The following CHD6 variants were observed in gnomAD, a reference collection of about 807,000 sequenced individuals.
CHD6 encodes the protein chromodomain helicase DNA binding protein 6.
A neutral mutation model predicts 276.9 loss-of-function variants in CHD6; 50 were observed. The ratio of observed to expected loss-of-function variants is 0.18; its 90% confidence interval spans 0.14 to 0.23. CHD6 has a LOEUF of 0.23. CHD6 is among the 10% of genes least tolerant of loss of function. The probability of loss-of-function intolerance (pLI) is 1.00; values close to 1 mark genes in which losing one functional copy is unlikely to be tolerated. For missense variants in CHD6, 2,564 were observed against 3,365.8 expected (o/e 0.76, Z 5.89); for synonymous variants, 1,173 against 1,229.3 (o/e 0.95, Z 0.96).
chr20:41,514,711 C>T (rs575334711), intron 4 of CHD6, 94 bp downstream of exon 4: 1 of 1,409,118 alleles, frequency 7.1e-7, no homozygotes, highest in East Asian at 2.3e-5. Context: ...AGGGAGTGTG[C>T]TAGAGAAAGG....
In CHD6 at chr20:41,473,273, T is replaced by C; in HGVS notation, c.2664+49A>G. 1 of 1,568,198 alleles carries C rather than the reference T, an allele frequency of 6.4e-7. No individual in the cohort carries two copies. Among genetic ancestry groups the C allele is most frequent in the East Asian group, 2.2e-5 (1 of 44,520 alleles). ...GCCAAGCCAGGCCCTATCATGATGT[T>C]CTGGGATCCAGGGCAGCTAAGGTAA... On this transcript the variant is annotated intron_variant, in intron 17 of 36. Coordinates refer to ENST00000373233, the MANE Select transcript of CHD6 (RefSeq NM_032221.5). The surrounding 1 kb of genome is among the most constrained non-coding windows in gnomAD (Gnocchi z 4.1).
At chr20:41,504,506 C>T (rs1198582382) in intron 5 of CHD6, among the ~76,000 whole-genome samples, 1 of 150,246 alleles carries the variant, frequency 6.7e-6, no homozygotes, top group Non-Finnish European at 1.5e-5. Flanking sequence ...ACTTCCCAGG[C>T]TCAAATGATT....
chr20:41,461,168 T>C lies in CHD6; in HGVS notation c.2665-3740A>G, dbSNP rs143729795. Among the ~76,000 whole-genome samples the C allele has an allele frequency of 2.3e-3, 346 of 152,358 alleles. 1 individual carries two copies. The highest frequency in any genetic ancestry group is 0.01 in the Middle Eastern group (3 of 294). On this transcript the variant is annotated intron_variant, in intron 17 of 36. Coordinates refer to ENST00000373233, the MANE Select transcript of CHD6 (RefSeq NM_032221.5). Reference sequence around the variant, plus strand: ...CTGTATCCAAATCATATCTAGAAAGTAATTAACTTGCTTTTGATTTTACAG... The same window carrying C: ...CTGTATCCAAATCATATCTAGAAAGCAATTAACTTGCTTTTGATTTTACAG...
chr20:41,453,502 T>A (rs772658339), intron 20 of CHD6, among the ~76,000 whole-genome samples: 2 of 152,186 alleles, frequency 1.3e-5, no homozygotes, highest in Non-Finnish European at 2.9e-5. Flanking sequence ...CCTGGCTATG[T>A]GTCTTCTCTA....
intron 1 of CHD6, among the ~76,000 whole-genome samples, chr20:41,589,166 A>C (rs1232871834): frequency 6.6e-6 from 1 of 152,252 alleles, no homozygotes; most frequent in Admixed American, 6.5e-5. Flanking sequence ...AAAATTCAAC[A>C]GCCCTTCATG....
chr20:41,472,030 T>G (rs2043064941), intron 17 of CHD6, among the ~76,000 whole-genome samples: 2 of 150,782 alleles, frequency 1.3e-5, no homozygotes, highest in South Asian at 4.2e-4. Flanking sequence ...GGTCAGGAGT[T>G]CAAGACCGGC....
chr20:41,491,679 G>C lies in CHD6; in HGVS notation c.1436+19C>G. Reference sequence around the variant, plus strand: ...TATACCTCTGGGTACAAACATCTGGGCTGGTTTTGGTTCCTTACCTGTTAT... The same window carrying C: ...TATACCTCTGGGTACAAACATCTGGCCTGGTTTTGGTTCCTTACCTGTTAT... On this transcript the variant is annotated intron_variant, in intron 11 of 36. Transcript: ENST00000373233. 6.2e-7 allele frequency: 1 copy of C among 1,613,448 alleles called. No individual in the cohort carries two copies. The highest frequency in any genetic ancestry group is 1.7e-5 in the Admixed American group (1 of 60,006).
At chr20:41,585,070 T>C (rs1030995649) in intron 1 of CHD6, among the ~76,000 whole-genome samples, 1 of 152,126 alleles carries the variant, frequency 6.6e-6, no homozygotes, top group Non-Finnish European at 1.5e-5. Flanking sequence ...TTACCAGTAT[T>C]AGGACTCAAA....
intron 4 of CHD6, 95 bp from the exon 5 acceptor site, chr20:41,513,090 G>A: frequency 1.5e-6 from 2 of 1,342,344 alleles, no homozygotes; most frequent in Non-Finnish European, 2.1e-6. Context: ...ACATGCCAAG[G>A]AGTGCTTTCT....
Position 41,415,457 on chromosome 20 carries a change from G to A in CHD6, c.6668C>T (p.Ser2223Leu). 1 of 1,612,830 alleles carries A rather than the reference G, an allele frequency of 6.2e-7. No individual in the cohort carries two copies. Among genetic ancestry groups the A allele is most frequent in the Non-Finnish European group, 8.5e-7 (1 of 1,179,400 alleles). ...GGATGTGGCTCCTGGGGACCCCTCTGATGAGCAGGAGAGGTCCATAGCTGA... is the reference window on the plus strand; with the variant it reads ...GGATGTGGCTCCTGGGGACCCCTCTAATGAGCAGGAGAGGTCCATAGCTGA... ...GESAMDLSCS[S>L]EGSPGATSPF... Residue 2223 changes from serine (S) to leucine (L), a missense_variant, in exon 34 of 37, where the codon TCA becomes TTA. Ser to Leu is a moderately radical substitution (Grantham distance 145). This residue lies in a region of CHD6 where 1,024 missense variants were observed against 1,047.9 expected (regional missense o/e 0.98). Coordinates refer to ENST00000373233, the MANE Select transcript of CHD6 (RefSeq NM_032221.5).
At position 41,473,305 on chromosome 20, in the gene CHD6, A is replaced by G. The variant is rs781099317; in HGVS notation, c.2664+17T>C. 2.7e-5 allele frequency: 44 copies of G among 1,611,880 alleles called. 1 individual carries two copies. In the South Asian group the frequency reaches 3.3e-4, roughly 12 times the overall value. On this transcript the variant is annotated intron_variant, in intron 17 of 36. Transcript: ENST00000373233. The surrounding 1 kb of genome is among the most constrained non-coding windows in gnomAD (Gnocchi z 4.1). ...TCCAGGGCAGCTAAGGTAAACAGCA[A>G]TCATCCTAGTGGTTACCTGCAAGTC...
intron 25 of CHD6, among the ~76,000 whole-genome samples, chr20:41,442,745 T>G (rs2047937807): frequency 1.3e-5 from 2 of 152,198 alleles, no homozygotes; most frequent in South Asian, 4.1e-4. Context: ...TGGTCAGATG[T>G]GTTACCTAGA....
At chr20:41,565,764 T>C (rs771082008) in intron 1 of CHD6, among the ~76,000 whole-genome samples, 1 of 152,256 alleles carries the variant, frequency 6.6e-6, no homozygotes, top group East Asian at 1.9e-4. Flanking sequence ...AAATGTTCTA[T>C]TTGGGGCGCT....
chr20:41,422,506 G>T (rs2047228367), intron 30 of CHD6, among the ~76,000 whole-genome samples: 1 of 152,052 alleles, frequency 6.6e-6, no homozygotes, highest in African/African-American at 2.4e-5. Flanking sequence ...AATTATCTGG[G>T]CATGGTAGCA....
intron 1 of CHD6, among the ~76,000 whole-genome samples, chr20:41,565,024 A>G (rs1411244790): frequency 6.6e-6 from 1 of 152,182 alleles, no homozygotes; most frequent in Non-Finnish European, 1.5e-5. Flanking sequence ...CCCAGGTAGA[A>G]GTAACAGTAA....
At position 41,509,024 on chromosome 20, in the gene CHD6, G is replaced by C. The variant is rs80043645; in HGVS notation, c.852+3822C>G. ...AGCTACTAACCAACAGAAACATACA[G>C]TTCTACCTATGCTAAGCAAAAATTA... On this transcript the variant is annotated intron_variant, in intron 5 of 36. Transcript: ENST00000373233. Among the ~76,000 whole-genome samples, 681 of 152,144 alleles carry C rather than the reference G, an allele frequency of 4.5e-3. 5 individuals carry two copies. Among genetic ancestry groups the C allele is most frequent in the African/African-American group, 0.016 (652 of 41,498 alleles).
At chr20:41,566,226 C>T (rs2045354032) in intron 1 of CHD6, among the ~76,000 whole-genome samples, 1 of 152,124 alleles carries the variant, frequency 6.6e-6, no homozygotes, top group Non-Finnish European at 1.5e-5. Context: ...GAAAAACATC[C>T]GAGCAGAAAC....
chr20:41,580,645 C>CAAAAAA (rs373733112), intron 1 of CHD6, among the ~76,000 whole-genome samples: 21,163 of 67,036 alleles, frequency 0.32, 2,575 homozygotes, highest in African/African-American at 0.48. Context: ...AACCCAGTCT[C>CAAAAAA]AAAAAAAAAA....
At chr20:41,575,675 C>T (rs544539018) in intron 1 of CHD6, among the ~76,000 whole-genome samples, 7 of 152,272 alleles carry the variant, frequency 4.6e-5, no homozygotes, top group African/African-American at 1.7e-4. Context: ...CTAATATGTC[C>T]AACATAATAT....
Sources: gnomAD v4.1 joint callset for allele counts (sites outside exome capture counted in the v4.1 genomes callset) on GRCh38, gnomAD v4.1.1 for gene constraint, gnomAD v4.1.1 regional missense constraint, Gnocchi (gnomAD v3.1) non-coding constraint, MANE v1.5 for transcripts, NCBI Gene and HGNC (gene_info 2026-07-23, HGNC 2026-07-21) for gene names.